The following CFAP20DC variants were observed in gnomAD, a reference collection of about 807,000 sequenced individuals.
The protein encoded by CFAP20DC is CFAP20 domain containing, also known as protein CFAP20DC.
A neutral mutation model predicts 101.7 loss-of-function variants in CFAP20DC; 84 were observed. That is an observed-to-expected ratio of 0.83 (90% CI 0.69 to 0.99). The LOEUF is 0.99. Among genes scored for constraint, CFAP20DC ranks in the 50% least tolerant of loss-of-function variants. The pLI, the probability that CFAP20DC is intolerant of heterozygous loss-of-function variation, is 0.00. For synonymous variants in CFAP20DC, 359 were observed against 351.2 expected (o/e 1.02, Z -0.25); for missense variants, 1,007 against 970.3 (o/e 1.04, Z -0.50).
Position 59,006,628 on chromosome 3 carries a change from A to C in CFAP20DC, c.278+32929T>G, listed in dbSNP as rs2108807043. Among the ~76,000 whole-genome samples the C allele has an allele frequency of 6.6e-6, 1 of 152,276 alleles. No individual in the cohort carries two copies. The highest frequency in any genetic ancestry group is 2.1e-4 in the South Asian group (1 of 4,830). ...GAGCTGAATGAAATATAAAAGTAGA[A>C]GCAGTGGCAGGAAGAGCCTCGTAGG... On this transcript the variant is annotated intron_variant, in intron 4 of 16. Coordinates refer to ENST00000482387, the MANE Select transcript of CFAP20DC (RefSeq NM_001394063.1). This position sits in a 1 kb window ranked among gnomAD's most constrained non-coding sequence, Gnocchi z 4.3.
At chr3:58,770,845 A>G (rs1055331856) in intron 15 of CFAP20DC, among the ~76,000 whole-genome samples, 1 of 152,210 alleles carries the variant, frequency 6.6e-6, no homozygotes, top group African/African-American at 2.4e-5. Flanking sequence ...CAGGAAGGTC[A>G]GTTAGGTGCT....
intron 7 of CFAP20DC, among the ~76,000 whole-genome samples, chr3:58,880,258 A>G (rs939864816): frequency 4.6e-5 from 7 of 152,202 alleles, no homozygotes; most frequent in Admixed American, 1.3e-4. Flanking sequence ...TAAAAATTTT[A>G]TGCATATATC....
intron 14 of CFAP20DC, among the ~76,000 whole-genome samples, chr3:58,810,564 A>C (rs1232785180): frequency 6.6e-6 from 1 of 151,760 alleles, no homozygotes; most frequent in Non-Finnish European, 1.5e-5. Flanking sequence ...CAAAATAATA[A>C]GAGCTATCTA....
intron 13 of CFAP20DC, among the ~76,000 whole-genome samples, chr3:58,832,151 GC>G (rs1168042180): frequency 2.0e-5 from 3 of 152,138 alleles, no homozygotes; most frequent in African/African-American, 7.2e-5. Context: ...AGTCCCCTCT[GC>G]CTCGTGTTCT....
chr3:58,721,309 C>T lies in CFAP20DC; in HGVS notation c.198-3681G>A, dbSNP rs929824293. ...GTACTTCTGGGTGCATGTGTTGGGG[C>T]AGGGGTTATCAATGGTCACCAAAAT... On this transcript the variant is annotated intron_variant, in intron 3 of 3. Coordinates refer to the CFAP20DC transcript ENST00000486145. This position sits in a 1 kb window ranked among gnomAD's most constrained non-coding sequence, Gnocchi z 5.2. Among the ~76,000 whole-genome samples, 7 of 152,128 alleles carry T rather than the reference C, an allele frequency of 4.6e-5. No individual in the cohort carries two copies.
intron 15 of CFAP20DC, among the ~76,000 whole-genome samples, chr3:58,781,578 T>A (rs2071831013): frequency 6.6e-6 from 1 of 151,678 alleles, no homozygotes; most frequent in Non-Finnish European, 1.5e-5. Context: ...AATACCCAAA[T>A]AAAATCAGAA....
Position 58,717,964 on chromosome 3 carries a change from TATG to T in CFAP20DC, c.198-339_198-337del, listed in dbSNP as rs942719999. On this transcript the variant is annotated intron_variant, in intron 3 of 3. Coordinates refer to the CFAP20DC transcript ENST00000486145. The surrounding 1 kb of genome is among the most constrained non-coding windows in gnomAD (Gnocchi z 4.1). The stretch of plus-strand genomic sequence containing the variant: ...TTAATAAGTTCTCTTCTCAAAAGCT[TATG>T]ATTTTTACCATTCCCATTTGGATAA... Among the ~76,000 whole-genome samples the T allele has an allele frequency of 2.8e-4, 43 of 152,340 alleles. No homozygotes were observed. The highest frequency in any genetic ancestry group is 9.6e-4 in the African/African-American group (40 of 41,580).
At chr3:58,816,881 A>G (rs946573039) in intron 14 of CFAP20DC, among the ~76,000 whole-genome samples, 3 of 152,192 alleles carry the variant, frequency 2.0e-5, no homozygotes, top group Admixed American at 1.3e-4. Flanking sequence ...TGCAGACTTA[A>G]GTGTCCCTGT....
chr3:58,919,097 A>G (rs72881688), intron 5 of CFAP20DC, among the ~76,000 whole-genome samples: 6,577 of 152,238 alleles, frequency 0.043, 465 homozygotes, highest in African/African-American at 0.15. Flanking sequence ...AGCTTCCCAA[A>G]TAATCTGAGA....
chr3:58,863,317 A>G lies in CFAP20DC; in HGVS notation c.1593+241T>C. 1.4e-6 allele frequency: 2 copies of G among 1,411,622 alleles called. No individual in the cohort carries two copies. Among genetic ancestry groups the G allele is most frequent in the South Asian group, 3.4e-5 (2 of 58,712 alleles). The allele number at this position is 1,411,622 out of a possible 1,614,324, so 87.4% of individuals were successfully genotyped here. On this transcript the variant is annotated intron_variant, in intron 12 of 16. Coordinates refer to ENST00000482387, the MANE Select transcript of CFAP20DC (RefSeq NM_001394063.1). This position sits in a 1 kb window ranked among gnomAD's most constrained non-coding sequence, Gnocchi z 5.9. ...CAAAGATTAAAATGAAAAAACAGAA[A>G]GAAACCCAAAACTGGTTTCTATAAG...
At chr3:58,942,208 G>C (rs1218895105) in intron 4 of CFAP20DC, among the ~76,000 whole-genome samples, 1 of 152,114 alleles carries the variant, frequency 6.6e-6, no homozygotes, top group Non-Finnish European at 1.5e-5. Flanking sequence ...TATTCTTGGA[G>C]GAAATTTCAA....
chr3:58,837,322 A>C (rs1335478613), intron 13 of CFAP20DC, among the ~76,000 whole-genome samples: 1 of 152,212 alleles, frequency 6.6e-6, no homozygotes, highest in Non-Finnish European at 1.5e-5. Flanking sequence ...TGATATAATC[A>C]CACAGTGGAA....
At chr3:59,008,863 T>C (rs146973243) in intron 4 of CFAP20DC, among the ~76,000 whole-genome samples, 3,775 of 151,666 alleles carry the variant, frequency 0.025, 160 homozygotes, top group African/African-American at 0.087. Flanking sequence ...AGTATAATAA[T>C]AATAAAATTT....
chr3:58,964,742 C>G lies in CFAP20DC; in HGVS notation c.279-26980G>C, dbSNP rs188782836. Among the ~76,000 whole-genome samples, 695 of 152,246 alleles carry G rather than the reference C, an allele frequency of 4.6e-3. 5 individuals are homozygous for G. The highest frequency in any genetic ancestry group is 7.7e-3 in the Non-Finnish European group (525 of 68,010). ...ATTATGCATTCATGACAAAATATTT[C>G]TAACCTAAAACGGAACCATAATTAA... On this transcript the variant is annotated intron_variant, in intron 4 of 16. Transcript: ENST00000482387. This position sits in a 1 kb window ranked among gnomAD's most constrained non-coding sequence, Gnocchi z 4.1.
intron 14 of CFAP20DC, among the ~76,000 whole-genome samples, chr3:58,808,546 A>G (rs552121169): frequency 2.6e-5 from 4 of 152,348 alleles, no homozygotes; most frequent in African/African-American, 9.6e-5. Context: ...CCCTGCCCTA[A>G]AAGAGCTCCT....
intron 7 of CFAP20DC, among the ~76,000 whole-genome samples, chr3:58,872,670 T>C (rs1380669054): frequency 1.3e-5 from 2 of 152,134 alleles, no homozygotes; most frequent in Admixed American, 6.5e-5. Flanking sequence ...AGAAATTCCA[T>C]TTGTCTAAAG....
chr3:58,809,691 A>C (rs1030446093), intron 14 of CFAP20DC, among the ~76,000 whole-genome samples: 1 of 152,206 alleles, frequency 6.6e-6, no homozygotes, highest in African/African-American at 2.4e-5. Context: ...AAGGCAAGAC[A>C]TAACTAAAAT....
chr3:58,861,971 G>C lies in CFAP20DC; in HGVS notation c.1593+1587C>G. The stretch of plus-strand genomic sequence containing the variant: ...GGCAGAGTAGCTACAGCAAAAGAAA[G>C]CATTAAGTGATATCAAATTAAAATA... On this transcript the variant is annotated intron_variant, in intron 12 of 16. Transcript: ENST00000482387. The surrounding 1 kb of genome is among the most constrained non-coding windows in gnomAD (Gnocchi z 4.0). 1 of 984,942 alleles carries C rather than the reference G, an allele frequency of 1.0e-6. No individual in the cohort carries two copies. The allele number at this position is 984,942 out of a possible 1,614,324, so 61.0% of individuals were successfully genotyped here.
At chr3:58,944,823 C>T (rs926729958) in intron 4 of CFAP20DC, among the ~76,000 whole-genome samples, 1 of 152,082 alleles carries the variant, frequency 6.6e-6, no homozygotes, top group Admixed American at 6.6e-5. Flanking sequence ...CTGTGTAAGG[C>T]CTTCCAGAAG....
Sources: allele counts gnomAD v4.1 joint callset (sites outside exome capture counted in the v4.1 genomes callset), GRCh38; gene constraint gnomAD v4.1.1; non-coding constraint Gnocchi (gnomAD v3.1); transcripts MANE v1.5; gene names NCBI Gene and HGNC (gene_info 2026-07-23, HGNC 2026-07-21).